The following RPF2 variants were observed in gnomAD, a reference collection of about 807,000 sequenced individuals.
The protein encoded by RPF2 is ribosome production factor 2 homolog.
In RPF2, 21 loss-of-function variants were observed where a neutral mutation model predicts 38.9. That is an observed-to-expected ratio of 0.54 (90% confidence interval 0.38 to 0.78). The LOEUF is 0.78. Ranked by LOEUF, RPF2 falls within the 30% of genes least tolerant of loss-of-function variation. The pLI, the probability that RPF2 is intolerant of heterozygous loss-of-function variation, is 0.00. For missense variants in RPF2, 314 were observed against 358.1 expected (o/e 0.88, Z 0.99); for synonymous variants, 121 against 126.2 (o/e 0.96, Z 0.28).
chr6:110,987,027 C>T (rs2114290126), intron 2 of RPF2, among the ~76,000 whole-genome samples: 1 of 151,512 alleles, frequency 6.6e-6, no homozygotes. Flanking sequence ...TTGAGTACAG[C>T]CAATAGATCT....
rs10565997 is a variant in RPF2, at chr6:111,003,079, A to ACC, written c.393+3301_393+3302dup. Among the ~76,000 whole-genome samples, 276 of 98,604 alleles carry ACC rather than the reference A, an allele frequency of 2.8e-3. 2 individuals carry two copies. The highest frequency in any genetic ancestry group is 7.2e-3 in the African/African-American group (197 of 27,546). 64.7% of individuals were successfully genotyped at this position (98,604 alleles called of 152,430 possible). ...ATCCAGCCCTAGTCTTTCATTTTTTACCCCCCCCCCTTTTTTTTTCTTTTT... is the reference window on the plus strand; with the variant it reads ...ATCCAGCCCTAGTCTTTCATTTTTTACCCCCCCCCCCCTTTTTTTTTCTTTTT... On this transcript the variant is annotated intron_variant, in intron 6 of 9. Transcript: ENST00000441448.
chr6:110,997,672 C>T (rs555745885), intron 5 of RPF2, among the ~76,000 whole-genome samples: 31 of 152,024 alleles, frequency 2.0e-4, no homozygotes, highest in South Asian at 8.3e-4. Context: ...GCCAAGATGG[C>T]GCCACTGTAC....
intron 5 of RPF2, among the ~76,000 whole-genome samples, chr6:110,998,619 A>AG (rs1771759820): frequency 3.3e-5 from 5 of 152,202 alleles, no homozygotes; most frequent in African/African-American, 1.2e-4. Flanking sequence ...ACCATCAGTT[A>AG]ATCTGAGTCA....
At chr6:111,022,256 G>A (rs1772246937) in intron 8 of RPF2, among the ~76,000 whole-genome samples, 1 of 152,178 alleles carries the variant, frequency 6.6e-6, no homozygotes, top group African/African-American at 2.4e-5. Context: ...GTATGAGAGG[G>A]AGAAAAATGA....
At chr6:111,023,518 G>T (rs2114357645) in intron 8 of RPF2, among the ~76,000 whole-genome samples, 1 of 152,086 alleles carries the variant, frequency 6.6e-6, no homozygotes, top group Middle Eastern at 3.4e-3. Flanking sequence ...TCAAATCAAA[G>T]GATTTTATTT....
chr6:111,027,859 A>G lies in RPF2; in HGVS notation c.*2277A>G, dbSNP rs1430228576. On this transcript the variant is annotated 3_prime_UTR_variant, in exon 10 of 10. Transcript: ENST00000441448. ...TGAGAACACCTTGTAGTGTTGTACTATCTGGAACTCTTGAGCTGCCATTTA... is the reference window on the plus strand; with the variant it reads ...TGAGAACACCTTGTAGTGTTGTACTGTCTGGAACTCTTGAGCTGCCATTTA... The G allele has an allele frequency of 6.6e-6, 1 of 152,224 alleles. No individual in the cohort carries two copies. Among genetic ancestry groups the G allele is most frequent in the Non-Finnish European group, 1.5e-5 (1 of 68,036 alleles). The allele number at this position is 152,224 out of a possible 1,614,324, so 9.4% of individuals were successfully genotyped here. A position where few individuals can be genotyped will look rare whatever the true frequency, so the allele number is the denominator to read the frequency against.
chr6:111,010,152 G>A (rs2114333242), intron 7 of RPF2, among the ~76,000 whole-genome samples: 1 of 138,120 alleles, frequency 7.2e-6, no homozygotes, highest in African/African-American at 2.7e-5. Flanking sequence ...TTTTTAGACA[G>A]CATCTTGCTC....
At position 111,013,905 on chromosome 6, in the gene RPF2, G is replaced by A. The variant is rs576508743; in HGVS notation, c.494-1849G>A. Among the ~76,000 whole-genome samples, 4 of 152,308 alleles carry A rather than the reference G, an allele frequency of 2.6e-5. No individual in the cohort carries two copies. In the South Asian group the frequency reaches 8.3e-4, roughly 32 times the overall value. On this transcript the variant is annotated intron_variant, in intron 7 of 9. Coordinates refer to ENST00000441448, the MANE Select transcript of RPF2 (RefSeq NM_032194.3). ...TAATCCCAGCACTTTGAGAGACCAA[G>A]GCAGGAGGAGTGCTTGAGTCTAGGA...
chr6:111,016,610 A>AG (rs1183871565), intron 8 of RPF2, among the ~76,000 whole-genome samples: 1 of 151,018 alleles, frequency 6.6e-6, no homozygotes, highest in Non-Finnish European at 1.5e-5. Context: ...CAAAAAACAA[A>AG]AAACTCTTAA....
intron 6 of RPF2, among the ~76,000 whole-genome samples, chr6:111,003,634 C>A (rs1771852250): frequency 6.6e-6 from 1 of 152,088 alleles, no homozygotes; most frequent in African/African-American, 2.4e-5. Flanking sequence ...CTAGCCTGGA[C>A]AACATAGTGA....
chr6:110,994,104 C>G (rs1018010049), intron 4 of RPF2, among the ~76,000 whole-genome samples: 4 of 152,072 alleles, frequency 2.6e-5, no homozygotes, highest in Admixed American at 2.6e-4. Context: ...TGGATAAACC[C>G]TGTCTCTATT....
At position 111,028,180 on chromosome 6, in the gene RPF2, T is replaced by G. The variant is rs185968307; in HGVS notation, c.*2598T>G. On this transcript the variant is annotated 3_prime_UTR_variant, in exon 10 of 10. Transcript: ENST00000441448. ...TTAAAATTAAGTGCTGTTTGTTTTC[T>G]TGGTTATTGAACATAATCCAAAGTA... 6.6e-6 allele frequency: 1 copy of G among 152,326 alleles called. No homozygotes were observed. Among genetic ancestry groups the G allele is most frequent in the East Asian group, 1.9e-4 (1 of 5,190 alleles). The allele number at this position is 152,326 out of a possible 1,614,324, so 9.4% of individuals were successfully genotyped here. A position where few individuals can be genotyped will look rare whatever the true frequency, so the allele number is the denominator to read the frequency against.
At chr6:111,003,079 A>AC (rs10565997) in intron 6 of RPF2, among the ~76,000 whole-genome samples, 13,536 of 98,230 alleles carry the variant, frequency 0.14, 731 homozygotes, top group African/African-American at 0.24. Flanking sequence ...TTCATTTTTT[A>AC]CCCCCCCCCC....
Position 111,025,750 on chromosome 6 carries a change from G to T in RPF2, c.*168G>T. ...TATACTAGTATTAAGTGTAAAGTAA[G>T]CCTTTTATTTGAGACATTACACCCT... On this transcript the variant is annotated 3_prime_UTR_variant, in exon 10 of 10. Coordinates refer to ENST00000441448, the MANE Select transcript of RPF2 (RefSeq NM_032194.3). The T allele has an allele frequency of 2.1e-6, 1 of 487,698 alleles. No individual in the cohort carries two copies. Among genetic ancestry groups the T allele is most frequent in the Non-Finnish European group, 3.5e-6 (1 of 289,004 alleles). 30.2% of individuals were successfully genotyped at this position (487,698 alleles called of 1,614,324 possible). A position where few individuals can be genotyped will look rare whatever the true frequency, so the allele number is the denominator to read the frequency against.
At chr6:111,022,861 T>C (rs2114356820) in intron 8 of RPF2, among the ~76,000 whole-genome samples, 1 of 152,238 alleles carries the variant, frequency 6.6e-6, no homozygotes, top group East Asian at 1.9e-4. Context: ...AAGAAAAAAT[T>C]TTAGTTGAAA....
At chr6:111,020,628 A>G (rs775982451) in intron 8 of RPF2, among the ~76,000 whole-genome samples, 15 of 152,196 alleles carry the variant, frequency 9.9e-5, no homozygotes, top group Non-Finnish European at 1.5e-4. Context: ...TGGGAGGCCA[A>G]GATGGGTGGA....
rs376848809 is a variant in RPF2 at position 110,982,162 on chromosome 6, T to C, written c.23+33T>C. ...CGCTGGGTCTCAGCCCCGGGGAGCG[T>C]TGGGGTGAAAGGGTCCCGTGATGAG... On this transcript the variant is annotated intron_variant, in intron 1 of 9. Transcript: ENST00000441448. The C allele has an allele frequency of 2.4e-5, 39 of 1,613,152 alleles. No individual in the cohort carries two copies. In the African/African-American group the frequency reaches 3.3e-4, roughly 14 times the overall value.
At chr6:110,985,420 G>A (rs1771507724) in intron 2 of RPF2, among the ~76,000 whole-genome samples, 1 of 152,174 alleles carries the variant, frequency 6.6e-6, no homozygotes, top group Non-Finnish European at 1.5e-5. Context: ...TCAATTACTA[G>A]AATTTGGCTT....
chr6:110,982,253 C>A (rs1407107625), intron 1 of RPF2, 124 bp downstream of exon 1: 1 of 1,091,906 alleles, frequency 9.2e-7, no homozygotes, highest in Non-Finnish European at 1.4e-6. Flanking sequence ...GGGGGCCGAT[C>A]GATCACCAGC....
Sources: gnomAD v4.1 joint callset for allele counts (sites outside exome capture counted in the v4.1 genomes callset) on GRCh38, gnomAD v4.1.1 for gene constraint, MANE v1.5 for transcripts, NCBI Gene and HGNC (gene_info 2026-07-23, HGNC 2026-07-21) for gene names.